NHEJ1: variants seen among roughly 807,000 people sequenced by gnomAD.
NHEJ1 encodes non-homologous end-joining factor 1.
In NHEJ1, 22 loss-of-function variants were observed where a neutral mutation model predicts 39.4. That is an observed-to-expected ratio of 0.56 (90% CI 0.40 to 0.80). The LOEUF (loss-of-function observed/expected upper bound fraction) is 0.80, where lower values mean the gene tolerates loss of function less well. NHEJ1 is among the 30% of genes least tolerant of loss of function. The pLI is 0.00. For missense variants in NHEJ1, 329 were observed against 357.1 expected, an observed-to-expected ratio of 0.92 and a Z score of 0.63; for synonymous variants, 154 against 135.6, an observed-to-expected ratio of 1.14 and a Z score of -0.94.
intron 3 of NHEJ1, among the ~76,000 whole-genome samples, chr2:219,152,355 G>C (rs759937841): frequency 2.0e-5 from 3 of 152,168 alleles, no homozygotes; most frequent in Non-Finnish European, 4.4e-5. Context: ...ATCTCAAGAT[G>C]AATCAAGCTG....
At chr2:219,100,726 C>T (rs1474429982) in intron 5 of NHEJ1, among the ~76,000 whole-genome samples, 1 of 151,956 alleles carries the variant, frequency 6.6e-6, no homozygotes, top group Non-Finnish European at 1.5e-5. Flanking sequence ...GACCAAGAAT[C>T]CCACCAAGCC....
intron 5 of NHEJ1, among the ~76,000 whole-genome samples, chr2:219,115,167 A>AGAAGAAGAAGAG (rs1276961706): frequency 6.6e-6 from 1 of 151,664 alleles, no homozygotes; most frequent in Non-Finnish European, 1.5e-5. Flanking sequence ...AAGAAGAAGA[A>AGAAGAAGAAGAG]GAAGAAGAAG....
chr2:219,095,278 A>G (rs981350590), intron 5 of NHEJ1: 4 of 470,500 alleles, frequency 8.5e-6, no homozygotes, highest in Middle Eastern at 3.2e-4. Flanking sequence ...GCTTACCATG[A>G]TAAAAAGAGA....
chr2:219,126,715 T>C (rs534257845), intron 5 of NHEJ1, among the ~76,000 whole-genome samples: 21 of 152,034 alleles, frequency 1.4e-4, no homozygotes, highest in Non-Finnish European at 2.6e-4. Context: ...TGGCCTACGA[T>C]AGAGCAAACA....
At chr2:219,148,523 C>T (rs958501097) in intron 3 of NHEJ1, among the ~76,000 whole-genome samples, 2 of 152,204 alleles carry the variant, frequency 1.3e-5, no homozygotes, top group African/African-American at 4.8e-5. Context: ...CATGCCACTG[C>T]ATTCCAGCCT....
At chr2:219,096,694 G>A (rs1399097152) in intron 5 of NHEJ1, among the ~76,000 whole-genome samples, 4 of 152,152 alleles carry the variant, frequency 2.6e-5, no homozygotes, top group Non-Finnish European at 5.9e-5. Flanking sequence ...TGGATATCTG[G>A]GGCACAAGTG....
chr2:219,159,566 T>TGC (rs1553549847), intron 1 of NHEJ1, among the ~76,000 whole-genome samples: 1,268 of 17,572 alleles, frequency 0.072, 131 homozygotes, highest in South Asian at 0.14. Flanking sequence ...TATATATGCA[T>TGC]ATATATATGC....
intron 1 of NHEJ1, among the ~76,000 whole-genome samples, chr2:219,159,831 T>C (rs928371898): frequency 2.0e-5 from 3 of 151,970 alleles, no homozygotes; most frequent in Non-Finnish European, 4.4e-5. Context: ...CAGTGTACTC[T>C]TAACAGTTGC....
At position 219,075,989 on chromosome 2, in the gene NHEJ1, T is replaced by C. The variant is rs1949009325; in HGVS notation, c.*392A>G. On this transcript the variant is annotated 3_prime_UTR_variant, in exon 8 of 8. Transcript: ENST00000356853. ...AAAAGCAGGGACTGTGAGTGCTTTT[T>C]ATTCCATGCAAAAGAGAGAAGTGGG... The C allele has an allele frequency of 6.1e-6, 2 of 330,390 alleles. No homozygotes were observed. The highest frequency in any genetic ancestry group is 2.1e-5 in the African/African-American group (1 of 47,566). The allele number at this position is 330,390 out of a possible 1,614,324, so 20.5% of individuals were successfully genotyped here.
Position 219,076,248 on chromosome 2 carries a change from G to C in NHEJ1, c.*133C>G, listed in dbSNP as rs1949012150. 1.3e-6 allele frequency: 2 copies of C among 1,556,730 alleles called. No homozygotes were observed. The highest frequency in any genetic ancestry group is 2.7e-5 in the African/African-American group (2 of 73,286). On this transcript the variant is annotated 3_prime_UTR_variant, in exon 8 of 8. Coordinates refer to ENST00000356853, the MANE Select transcript of NHEJ1 (RefSeq NM_024782.3). The stretch of plus-strand genomic sequence containing the variant: ...TGTGGGCCTGTCAACATCAACTTCA[G>C]TTCTCTCGCCCTTACAGGAGGCCTC...
At chr2:219,146,787 G>T in intron 4 of NHEJ1, 49 bp from the exon 5 acceptor site, 1 of 1,392,316 alleles carries the variant, frequency 7.2e-7, no homozygotes, top group Non-Finnish European at 1.0e-6. Flanking sequence ...TACAGGATGA[G>T]TTTCTTACCT....
At chr2:219,080,545 AT>A (rs1282265983) in intron 5 of NHEJ1, among the ~76,000 whole-genome samples, 14 of 135,664 alleles carry the variant, frequency 1.0e-4, no homozygotes, top group Admixed American at 3.5e-4. Context: ...AAATAAATAA[AT>A]AAAAATATAT....
At chr2:219,113,511 T>C (rs1318458919) in intron 5 of NHEJ1, among the ~76,000 whole-genome samples, 1 of 152,230 alleles carries the variant, frequency 6.6e-6, no homozygotes, top group Non-Finnish European at 1.5e-5. Context: ...GTAATCATTA[T>C]TTATCTCTAT....
intron 5 of NHEJ1, among the ~76,000 whole-genome samples, chr2:219,094,416 C>T (rs180738742): frequency 2.3e-4 from 35 of 152,188 alleles, no homozygotes; most frequent in African/African-American, 7.9e-4. Context: ...GAGAGAAGTA[C>T]GAATCTGCAG....
chr2:219,078,434 G>T (rs1306796927), intron 5 of NHEJ1, among the ~76,000 whole-genome samples: 3 of 152,112 alleles, frequency 2.0e-5, no homozygotes, highest in Non-Finnish European at 4.4e-5. Context: ...CTAATCCTTA[G>T]GTCTATTATG....
chr2:219,086,580 T>TC (rs1352160257), intron 5 of NHEJ1, among the ~76,000 whole-genome samples: 2 of 152,214 alleles, frequency 1.3e-5, no homozygotes, highest in Admixed American at 1.3e-4. Context: ...TTGAGTGTCC[T>TC]CCAAGTATAG....
intron 5 of NHEJ1, among the ~76,000 whole-genome samples, chr2:219,143,183 C>T (rs1375243477): frequency 6.6e-6 from 1 of 152,176 alleles, no homozygotes; most frequent in African/African-American, 2.4e-5. Flanking sequence ...GTTTGTTTAT[C>T]TTCCTATTCC....
At chr2:219,120,000 T>C (rs1345166506) in intron 5 of NHEJ1, among the ~76,000 whole-genome samples, 2 of 152,218 alleles carry the variant, frequency 1.3e-5, no homozygotes, top group Non-Finnish European at 2.9e-5. Flanking sequence ...TGTTTTGGCT[T>C]TCTTGGTTTG....
chr2:219,077,388 AGATAGT>A, intron 6 of NHEJ1, 24 bp from the exon 7 acceptor site: 1 of 1,540,176 alleles, frequency 6.5e-7, no homozygotes, highest in Non-Finnish European at 9.0e-7. Flanking sequence ...GATCAAGAGA[AGATAGT>A]GATAAATGCC....
Sources: allele counts gnomAD v4.1 joint callset (sites outside exome capture counted in the v4.1 genomes callset), GRCh38; gene constraint gnomAD v4.1.1; transcripts MANE v1.5; gene names NCBI Gene and HGNC (gene_info 2026-07-23, HGNC 2026-07-21).